The following ITCH variants were observed in gnomAD, a reference collection of about 807,000 sequenced individuals.
The protein encoded by ITCH is E3 ubiquitin-protein ligase Itchy homolog.
In ITCH, 28 loss-of-function variants were observed where a neutral mutation model predicts 126.8. That is an observed-to-expected ratio of 0.22 (90% confidence interval 0.16 to 0.30). The LOEUF (loss-of-function observed/expected upper bound fraction) is 0.30, where lower values mean the gene tolerates loss of function less well. Ranked by LOEUF, ITCH falls within the 10% of genes least tolerant of loss-of-function variation. The pLI is 1.00. For missense variants in ITCH, 631 were observed against 1,032.4 expected, an observed-to-expected ratio of 0.61 and a Z score of 5.33; for synonymous variants, 342 against 340.0, an observed-to-expected ratio of 1.01 and a Z score of -0.06.
intron 3 of ITCH, among the ~76,000 whole-genome samples, chr20:34,408,361 G>A (rs988590268): frequency 6.6e-5 from 10 of 152,072 alleles, no homozygotes; most frequent in African/African-American, 9.7e-5. Context: ...GGTGTAACCC[G>A]CTGCACCTGG....
In ITCH at chr20:34,369,410, G is replaced by T. The variant is rs3746455; in HGVS notation, c.-82G>T. ...CTTTCTCAGGTACCATGCATTTCACGGTGGCCTTGTGGAGACAACGCCTTA... is the reference window on the plus strand; with the variant it reads ...CTTTCTCAGGTACCATGCATTTCACTGTGGCCTTGTGGAGACAACGCCTTA... On this transcript the variant is annotated 5_prime_UTR_variant, in exon 2 of 25. Coordinates refer to ENST00000374864, the MANE Select transcript of ITCH (RefSeq NM_031483.7). 3 of 398,562 alleles carry T rather than the reference G, an allele frequency of 7.5e-6. No individual in the cohort carries two copies. The highest frequency in any genetic ancestry group is 6.2e-5 in the African/African-American group (3 of 48,514). 24.7% of individuals were successfully genotyped at this position (398,562 alleles called of 1,614,324 possible). A position where few individuals can be genotyped will look rare whatever the true frequency, so the allele number is the denominator to read the frequency against.
intron 24 of ITCH, among the ~76,000 whole-genome samples, chr20:34,506,154 C>G (rs1204585093): frequency 1.3e-5 from 2 of 152,110 alleles, no homozygotes. Context: ...CCCTCCACCT[C>G]CCGGGCTCAA....
chr20:34,456,548 A>G (rs1478607244), intron 12 of ITCH, among the ~76,000 whole-genome samples: 3 of 146,320 alleles, frequency 2.1e-5, no homozygotes, highest in African/African-American at 2.5e-5. Flanking sequence ...CAGGAGGATC[A>G]CCTGAACCTG....
chr20:34,437,210 G>A (rs1200256033), intron 7 of ITCH, among the ~76,000 whole-genome samples: 1 of 151,938 alleles, frequency 6.6e-6, no homozygotes, highest in African/African-American at 2.4e-5. Flanking sequence ...TTTTCACTAT[G>A]TATATCAAAA....
intron 23 of ITCH, among the ~76,000 whole-genome samples, chr20:34,492,808 A>T (rs576302447): frequency 1.3e-5 from 2 of 152,362 alleles, no homozygotes; most frequent in East Asian, 3.9e-4. Context: ...CCCACAGCTA[A>T]CTCATTAGGA....
chr20:34,373,472 C>T (rs955592105), intron 2 of ITCH, among the ~76,000 whole-genome samples: 4 of 152,064 alleles, frequency 2.6e-5, no homozygotes, highest in African/African-American at 9.7e-5. Context: ...GATGGGGTTT[C>T]ACCATATTGG....
chr20:34,447,442 G>A (rs947152773), intron 11 of ITCH, among the ~76,000 whole-genome samples: 9 of 152,076 alleles, frequency 5.9e-5, no homozygotes, highest in Non-Finnish European at 1.0e-4. Context: ...ATATGAAGTG[G>A]CCTTTGTCCA....
At chr20:34,426,347 C>A (rs1981511460) in intron 7 of ITCH, among the ~76,000 whole-genome samples, 1 of 152,068 alleles carries the variant, frequency 6.6e-6, no homozygotes, top group African/African-American at 2.4e-5. Flanking sequence ...GAAAGTAGAA[C>A]AAAATACTGA....
intron 6 of ITCH, among the ~76,000 whole-genome samples, chr20:34,418,077 C>T (rs1980198423): frequency 6.6e-6 from 1 of 151,088 alleles, no homozygotes; most frequent in Non-Finnish European, 1.5e-5. Flanking sequence ...AGTGATCCTT[C>T]CACCTCAGCC....
At chr20:34,424,358 T>C (rs1394063403) in intron 6 of ITCH, 122 bp from the exon 7 acceptor site, 4 of 774,598 alleles carry the variant, frequency 5.2e-6, no homozygotes, top group Non-Finnish European at 9.0e-6. Context: ...ATTTAAGTTA[T>C]AGTATGTTCT....
intron 6 of ITCH, among the ~76,000 whole-genome samples, chr20:34,414,091 G>T (rs369949798): frequency 6.7e-6 from 1 of 149,736 alleles, no homozygotes; most frequent in Non-Finnish European, 1.5e-5. Flanking sequence ...GCTCTGAGCC[G>T]TAATCACATC....
chr20:34,470,906 C>T (rs951955152), intron 15 of ITCH, among the ~76,000 whole-genome samples: 22 of 152,134 alleles, frequency 1.4e-4, no homozygotes, highest in African/African-American at 4.3e-4. Flanking sequence ...TTATATCTAT[C>T]GTTTGATATA....
chr20:34,445,368 A>G lies in ITCH; in HGVS notation c.1047A>G (p.Thr349=), dbSNP rs367592506. 5.0e-6 allele frequency: 8 copies of G among 1,613,808 alleles called. No homozygotes were observed. The highest frequency in any genetic ancestry group is 4.0e-5 in the African/African-American group (3 of 74,846). The part of the protein sequence containing the change: ...FTRTTTWQRP[T]LESVRNYEQW... ...GAACAACAACGTGGCAGAGGCCAAC[A>G]CTGGAATCCGTCCGGAACTATGAAC... The change falls in exon 11 of 25, where the codon ACA becomes ACG. Residue 349 remains threonine (T), a synonymous_variant. Coordinates refer to ENST00000374864, the MANE Select transcript of ITCH (RefSeq NM_031483.7).
chr20:34,439,960 G>A (rs567210136), intron 8 of ITCH, among the ~76,000 whole-genome samples, 195 bp from the exon 9 acceptor site: 11 of 152,288 alleles, frequency 7.2e-5, no homozygotes, highest in East Asian at 1.9e-4. Flanking sequence ...AGACAGGACC[G>A]AAAAAGTAAA....
intron 20 of ITCH, among the ~76,000 whole-genome samples, chr20:34,485,790 C>G (rs1314621632): frequency 6.6e-6 from 1 of 152,126 alleles, no homozygotes; most frequent in African/African-American, 2.4e-5. Context: ...TCAAAGGATC[C>G]CCCTGCCTCA....
At chr20:34,401,743 C>T in intron 3 of ITCH, 1 of 562,208 alleles carries the variant, frequency 1.8e-6, no homozygotes, top group East Asian at 1.5e-4. Context: ...AAAAACAAAC[C>T]TCCCCCCTAA....
At chr20:34,488,856 A>G (rs1370656479) in intron 20 of ITCH, among the ~76,000 whole-genome samples, 1 of 152,186 alleles carries the variant, frequency 6.6e-6, no homozygotes, top group African/African-American at 2.4e-5. Flanking sequence ...TTGGCATCAC[A>G]GAGAGACACC....
chr20:34,407,672 C>T (rs1017057023), intron 3 of ITCH, among the ~76,000 whole-genome samples: 1 of 152,156 alleles, frequency 6.6e-6, no homozygotes, highest in African/African-American at 2.4e-5. Flanking sequence ...ATATGCCATA[C>T]TCATTTGCCT....
At chr20:34,475,104 C>T (rs189035185) in intron 16 of ITCH, among the ~76,000 whole-genome samples, 34 of 149,224 alleles carry the variant, frequency 2.3e-4, no homozygotes, top group African/African-American at 7.5e-4. Context: ...TGATGGCGGC[C>T]GGGAAGAGGC....
Sources: allele counts gnomAD v4.1 joint callset (sites outside exome capture counted in the v4.1 genomes callset), GRCh38; gene constraint gnomAD v4.1.1; transcripts MANE v1.5; gene names NCBI Gene and HGNC (gene_info 2026-07-23, HGNC 2026-07-21).